The following CEP70 variants were observed in gnomAD, a reference collection of about 807,000 sequenced individuals.
CEP70 encodes centrosomal protein 70.
Under a neutral mutation model 90.9 loss-of-function variants are expected in CEP70, and 70 were observed. That is an observed-to-expected ratio of 0.77 (90% CI 0.64 to 0.94). The LOEUF (loss-of-function observed/expected upper bound fraction) is 0.94, where lower values mean the gene tolerates loss of function less well. CEP70 is among the 40% of genes least tolerant of loss of function. The probability of loss-of-function intolerance (pLI) is 0.00; values close to 1 mark genes in which losing one functional copy is unlikely to be tolerated. For missense variants in CEP70, 648 were observed against 669.0 expected (o/e 0.97, Z 0.35); for synonymous variants, 220 against 228.3 (o/e 0.96, Z 0.33).
At chr3:138,497,648 A>G (rs1005226150) in intron 17 of CEP70, 53 of 969,232 alleles carry the variant, frequency 5.5e-5, no homozygotes, top group Admixed American at 1.2e-4. Flanking sequence ...TTATTTGTAT[A>G]TTTAAAAAAT....
chr3:138,586,346 A>G (rs1045640948), intron 2 of CEP70, among the ~76,000 whole-genome samples: 2 of 152,144 alleles, frequency 1.3e-5, no homozygotes, highest in Non-Finnish European at 2.9e-5. Flanking sequence ...TTGGTAGGAA[A>G]TCAGCATATT....
At chr3:138,561,015 C>G (rs2108046484) in intron 6 of CEP70, among the ~76,000 whole-genome samples, 1 of 152,304 alleles carries the variant, frequency 6.6e-6, no homozygotes, top group Admixed American at 6.5e-5. Context: ...GTTCGAGCAG[C>G]AGATCTCAGA....
intron 2 of CEP70, among the ~76,000 whole-genome samples, chr3:138,573,858 C>T (rs960311410): frequency 1.3e-5 from 2 of 152,110 alleles, no homozygotes; most frequent in East Asian, 1.9e-4. Context: ...GTTAAGGATG[C>T]TTGAGAATTT....
chr3:138,523,931 A>C (rs2036947269), intron 11 of CEP70, among the ~76,000 whole-genome samples: 1 of 151,576 alleles, frequency 6.6e-6, no homozygotes, highest in South Asian at 2.1e-4. Flanking sequence ...ATCCTAAGCC[A>C]AAAGAACAAA....
chr3:138,587,706 G>A (rs1035386746), intron 2 of CEP70, among the ~76,000 whole-genome samples: 2 of 152,074 alleles, frequency 1.3e-5, no homozygotes, highest in Admixed American at 6.5e-5. Flanking sequence ...CTTGAACCCA[G>A]GAGTTTAATC....
intron 6 of CEP70, among the ~76,000 whole-genome samples, chr3:138,558,558 G>T (rs1273229116): frequency 6.6e-6 from 1 of 152,046 alleles, no homozygotes; most frequent in African/African-American, 2.4e-5. Context: ...GAAGGTCCTA[G>T]GAAACTTCTC....
chr3:138,548,125 A>C (rs972086738), intron 6 of CEP70, among the ~76,000 whole-genome samples: 2 of 152,244 alleles, frequency 1.3e-5, no homozygotes, highest in South Asian at 2.1e-4. Context: ...AATCCTGAAC[A>C]AAATATTAGC....
rs1223270544 is a variant in CEP70 at position 138,512,671 on chromosome 3, G to C, written c.945-4127C>G. On this transcript the variant is annotated intron_variant, in intron 11 of 17. Coordinates refer to ENST00000264982, the MANE Select transcript of CEP70 (RefSeq NM_024491.4). ...GTGGACACTGAGAAAACAGAAAACT[G>C]TACCTCCAACTTAAAATATGCTGTT... Among the ~76,000 whole-genome samples, 5 of 152,096 alleles carry C rather than the reference G, an allele frequency of 3.3e-5. No individual in the cohort carries two copies. The South Asian group carries it at 1.0e-3, about 32-fold the overall frequency.
chr3:138,501,177 GTTAT>G lies in CEP70; in HGVS notation c.1222-300_1222-297del, dbSNP rs1177097230. ...ATCTGAGTGCTCTAAGTAATTTTATGTTATTTATTATTGTTCCATAATATTTCAT... is the reference window on the plus strand; with the variant it reads ...ATCTGAGTGCTCTAAGTAATTTTATGTTATTATTGTTCCATAATATTTCAT... On this transcript the variant is annotated intron_variant, in intron 13 of 17. Coordinates refer to ENST00000264982, the MANE Select transcript of CEP70 (RefSeq NM_024491.4). 2.6e-5 allele frequency among the ~76,000 whole-genome samples: 4 copies of G among 151,886 alleles called. No individual in the cohort carries two copies. The South Asian group carries it at 8.3e-4, about 32-fold the overall frequency.
At chr3:138,531,399 A>G (rs537984567) in intron 8 of CEP70, 1 of 152,192 alleles carries the variant, frequency 6.6e-6, no homozygotes, top group African/African-American at 2.4e-5. Context: ...ATCAGGGGTC[A>G]GCAAACTGCT....
intron 10 of CEP70, among the ~76,000 whole-genome samples, chr3:138,527,694 CAAAA>C (rs34863399): frequency 4.4e-4 from 52 of 117,794 alleles, no homozygotes; most frequent in African/African-American, 1.3e-3. Context: ...GACTCCGTCT[CAAAA>C]AAAAAAAAAA....
chr3:138,495,103 AAG>A (rs1560263302), intron 17 of CEP70, 27 bp from the exon 18 acceptor site: 2 of 1,403,014 alleles, frequency 1.4e-6, no homozygotes, highest in Admixed American at 3.5e-5. Flanking sequence ...GTAATAATAA[AAG>A]AGAGTAACTT....
At chr3:138,564,728 AC>A (rs1268732654) in intron 6 of CEP70, among the ~76,000 whole-genome samples, 1 of 152,136 alleles carries the variant, frequency 6.6e-6, no homozygotes, top group African/African-American at 2.4e-5. Flanking sequence ...ATGACAACCC[AC>A]ACCCAATATC....
rs565808438 is a variant in CEP70, at chr3:138,533,786, T to G, written c.636-1216A>C. Reference sequence around the variant, plus strand: ...GTTTGAATTTTTATTTTTTGTTTTTTTTTGTTTGTTTGTTTTTTGAGATGG... The same window carrying G: ...GTTTGAATTTTTATTTTTTGTTTTTGTTTGTTTGTTTGTTTTTTGAGATGG... On this transcript the variant is annotated intron_variant, in intron 7 of 17. Coordinates refer to ENST00000264982, the MANE Select transcript of CEP70 (RefSeq NM_024491.4). Among the ~76,000 whole-genome samples, 50 of 152,206 alleles carry G rather than the reference T, an allele frequency of 3.3e-4. No homozygotes were observed. In the South Asian group the frequency reaches 5.0e-3, roughly 15 times the overall value.
intron 11 of CEP70, among the ~76,000 whole-genome samples, chr3:138,525,177 C>A (rs1385151130): frequency 6.6e-6 from 1 of 151,896 alleles, no homozygotes; most frequent in East Asian, 1.9e-4. Context: ...AAAAACCAAA[C>A]ACCGCATGTT....
intron 6 of CEP70, among the ~76,000 whole-genome samples, chr3:138,551,617 G>A (rs538780153): frequency 1.3e-5 from 2 of 152,010 alleles, no homozygotes; most frequent in Admixed American, 1.3e-4. Flanking sequence ...ATGTTGGCGT[G>A]TGTCTGTAGT....
At chr3:138,544,323 C>G (rs964287246) in intron 6 of CEP70, among the ~76,000 whole-genome samples, 2 of 150,216 alleles carry the variant, frequency 1.3e-5, no homozygotes, top group African/African-American at 4.9e-5. Context: ...GAGATATCAT[C>G]TCACTCCAGT....
intron 6 of CEP70, among the ~76,000 whole-genome samples, chr3:138,565,617 G>A (rs927788831): frequency 1.3e-5 from 2 of 152,134 alleles, no homozygotes; most frequent in Admixed American, 6.5e-5. Context: ...AAATGGTGCT[G>A]GGAAAACTGG....
rs908134867 is a variant in CEP70 at position 138,499,832 on chromosome 3, C to G, written c.1652+278G>C. The stretch of plus-strand genomic sequence containing the variant: ...AATTAGCTGGGCGTGGTGGCGTGTG[C>G]TTACAGTCACACACACACACAAAAG... On this transcript the variant is annotated intron_variant, in intron 16 of 17. Transcript: ENST00000264982. The G allele has an allele frequency of 1.7e-5, 5 of 299,620 alleles. No homozygotes were observed. The South Asian group carries it at 2.2e-4, about 13-fold the overall frequency. The allele number at this position is 299,620 out of a possible 1,614,324, so 18.6% of individuals were successfully genotyped here. A position where few individuals can be genotyped will look rare whatever the true frequency, so the allele number is the denominator to read the frequency against.
Sources: gnomAD v4.1 joint callset for allele counts (sites outside exome capture counted in the v4.1 genomes callset) on GRCh38, gnomAD v4.1.1 for gene constraint, MANE v1.5 for transcripts, NCBI Gene and HGNC (gene_info 2026-07-23, HGNC 2026-07-21) for gene names.